SHOC1: variants seen among roughly 807,000 people sequenced by gnomAD.
The protein encoded by SHOC1 is protein shortage in chiasmata 1 ortholog.
SHOC1 carries 136 observed loss-of-function variants against 179.2 expected under a neutral mutation model. The observed-to-expected ratio is 0.76, with a 90% CI of 0.66 to 0.87. The LOEUF (loss-of-function observed/expected upper bound fraction) is 0.87, where lower values mean the gene tolerates loss of function less well. Ranked by LOEUF, SHOC1 falls within the 40% of genes least tolerant of loss-of-function variation. The pLI is 0.00. For synonymous variants in SHOC1, 489 were observed against 586.6 expected, an observed-to-expected ratio of 0.83 and a Z score of 2.41; for missense variants, 1,538 against 1,700.8, an observed-to-expected ratio of 0.90 and a Z score of 1.68.
At chr9:111,773,424 T>G (rs1216482649) in intron 5 of SHOC1, among the ~76,000 whole-genome samples, 1 of 152,110 alleles carries the variant, frequency 6.6e-6, no homozygotes, top group Admixed American at 6.6e-5. Context: ...GTGATTCTCC[T>G]GCCTCAGCCT....
intron 11 of SHOC1, among the ~76,000 whole-genome samples, chr9:111,739,621 A>G (rs538198139): frequency 2.6e-5 from 4 of 152,190 alleles, no homozygotes; most frequent in African/African-American, 9.7e-5. Context: ...TGTGTTGTGT[A>G]TATCAACAGT....
chr9:111,773,755 C>T (rs1246971245), intron 5 of SHOC1, among the ~76,000 whole-genome samples: 1 of 151,972 alleles, frequency 6.6e-6, no homozygotes, highest in Non-Finnish European at 1.5e-5. Flanking sequence ...TATCAATAAA[C>T]CAACAACCAT....
Position 111,791,386 on chromosome 9 carries a change from G to A in SHOC1, c.33C>T (p.Asp11=). 4.7e-6 allele frequency: 7 copies of A among 1,476,146 alleles called. No individual in the cohort carries two copies. Among genetic ancestry groups the A allele is most frequent in the Non-Finnish European group, 6.3e-6 (7 of 1,108,644 alleles). 91.4% of individuals were successfully genotyped at this position (1,476,146 alleles called of 1,614,324 possible). A position where few individuals can be genotyped will look rare whatever the true frequency, so the allele number is the denominator to read the frequency against. Residue 11 remains aspartate, a synonymous_variant, in exon 2 of 28, where the codon GAC becomes GAT. Coordinates refer to ENST00000682961, the MANE Select transcript of SHOC1 (RefSeq NM_001378211.1). MFSALKYHAI[D]YLYENVVRKK... ...ACTAACACTCTACCTCATATAAATA[G>A]TCTATTGCATGATATTTCAATGCTG...
At chr9:111,753,185 CA>C (rs1298661539) in intron 8 of SHOC1, among the ~76,000 whole-genome samples, 15 of 152,208 alleles carry the variant, frequency 9.9e-5, no homozygotes, top group Admixed American at 6.5e-5. Flanking sequence ...GAACTACTCA[CA>C]AAGCAATACG....
intron 2 of SHOC1, among the ~76,000 whole-genome samples, chr9:111,787,582 G>A (rs1836305871): frequency 6.6e-6 from 1 of 152,184 alleles, no homozygotes; most frequent in Non-Finnish European, 1.5e-5. Flanking sequence ...AACAGATGAG[G>A]AGCTGCTTCT....
intron 2 of SHOC1, among the ~76,000 whole-genome samples, chr9:111,788,178 A>G (rs1403279513): frequency 7.0e-6 from 1 of 143,470 alleles, no homozygotes; most frequent in Non-Finnish European, 1.5e-5. Flanking sequence ...GCTGCACTCC[A>G]GCCTGGATGA....
intron 9 of SHOC1, 32 bp from the exon 10 acceptor site, chr9:111,746,374 C>T (rs1207091913): frequency 7.1e-7 from 1 of 1,399,462 alleles, no homozygotes; most frequent in East Asian, 2.3e-5. Flanking sequence ...GTTATGTAAA[C>T]ATTGAATAAT....
chr9:111,789,211 AGTG>A (rs1397815220), intron 2 of SHOC1, among the ~76,000 whole-genome samples: 4 of 152,208 alleles, frequency 2.6e-5, no homozygotes, highest in African/African-American at 9.6e-5. Flanking sequence ...TCCAAGGATA[AGTG>A]GTAAAGAGAA....
intron 8 of SHOC1, among the ~76,000 whole-genome samples, chr9:111,752,011 A>G (rs1056772852): frequency 1.3e-5 from 2 of 152,218 alleles, no homozygotes; most frequent in African/African-American, 4.8e-5. Context: ...TAAAATGACT[A>G]TCTGAAGGTA....
intron 18 of SHOC1, among the ~76,000 whole-genome samples, chr9:111,712,794 A>G (rs1832613808): frequency 6.6e-6 from 1 of 152,058 alleles, no homozygotes; most frequent in East Asian, 1.9e-4. Flanking sequence ...TGTAAAACTG[A>G]GTTAATAAAA....
intron 5 of SHOC1, among the ~76,000 whole-genome samples, chr9:111,775,047 G>A (rs1330020771): frequency 6.6e-6 from 1 of 151,978 alleles, no homozygotes; most frequent in Non-Finnish European, 1.5e-5. Flanking sequence ...CCAGGCCAGA[G>A]TGCAGTGGCG....
intron 17 of SHOC1, 53 bp from the exon 18 acceptor site, chr9:111,713,225 G>T: frequency 1.0e-6 from 1 of 956,566 alleles, no homozygotes; most frequent in Non-Finnish European, 1.6e-6. Flanking sequence ...CTTTTTCACA[G>T]TTTTGATACA....
At chr9:111,755,553 TATTTACTAA>T (rs1190213854) in intron 8 of SHOC1, among the ~76,000 whole-genome samples, 1 of 152,188 alleles carries the variant, frequency 6.6e-6, no homozygotes, top group Non-Finnish European at 1.5e-5. Context: ...AACTCAATAA[TATTTACTAA>T]ATTTACTAAG....
intron 10 of SHOC1, among the ~76,000 whole-genome samples, chr9:111,744,889 T>C (rs1407891426): frequency 6.6e-6 from 1 of 152,218 alleles, no homozygotes; most frequent in African/African-American, 2.4e-5. Context: ...TATCTCAGAC[T>C]CTATCAAAGG....
At chr9:111,777,365 A>G (rs1162415828) in intron 4 of SHOC1, among the ~76,000 whole-genome samples, 1 of 152,190 alleles carries the variant, frequency 6.6e-6, no homozygotes, top group African/African-American at 2.4e-5. Flanking sequence ...CTTTTCAGGA[A>G]AAGGCTATTA....
intron 1 of SHOC1, 22 bp from the exon 2 acceptor site, chr9:111,791,476 T>G (rs1836442721): frequency 3.4e-6 from 4 of 1,174,502 alleles, no homozygotes; most frequent in Non-Finnish European, 4.6e-6. Context: ...AAAATTAAAA[T>G]TAAACACTGG....
intron 5 of SHOC1, 179 bp from the exon 6 acceptor site, chr9:111,759,027 G>T: frequency 1.8e-6 from 2 of 1,081,204 alleles, no homozygotes; most frequent in Non-Finnish European, 2.7e-6. Context: ...TGGAACAAAG[G>T]CAAAAGTACA....
intron 12 of SHOC1, among the ~76,000 whole-genome samples, chr9:111,737,688 ACCC>A (rs34813776): frequency 0.74 from 109,496 of 147,806 alleles, 40,813 homozygotes; most frequent in East Asian, 0.9. Context: ...ATAAAAACAA[ACCC>A]CCCCCCCCAC....
intron 3 of SHOC1, among the ~76,000 whole-genome samples, chr9:111,784,206 A>G (rs1469687898): frequency 6.6e-6 from 1 of 152,206 alleles, no homozygotes; most frequent in Non-Finnish European, 1.5e-5. Flanking sequence ...ATCCATTTAG[A>G]TGCCTAATAA....
Sources: gnomAD v4.1 joint callset for allele counts (sites outside exome capture counted in the v4.1 genomes callset) on GRCh38, gnomAD v4.1.1 for gene constraint, MANE v1.5 for transcripts, NCBI Gene and HGNC (gene_info 2026-07-23, HGNC 2026-07-21) for gene names.